PEA15: variants seen among roughly 807,000 people sequenced by gnomAD.
PEA15 encodes proliferation and apoptosis adaptor protein 15, also known as astrocytic phosphoprotein PEA-15.
For synonymous variants in PEA15, 60 were observed against 61.8 expected (o/e 0.97, Z 0.13); for missense variants, 77 against 161.3 (o/e 0.48, Z 2.83).
At position 160,213,334 on chromosome 1, in the gene PEA15, G is replaced by C; in HGVS notation, c.328+69G>C. The stretch of plus-strand genomic sequence containing the variant: ...CGTTGACTATCCTTGGAGTACTTGA[G>C]TTTTGGGAGAGTGGAGGCAGATGCC... On this transcript the variant is annotated intron_variant, in intron 3 of 3. Coordinates refer to ENST00000360472, the MANE Select transcript of PEA15 (RefSeq NM_003768.5). The surrounding 1 kb of genome is among the most constrained non-coding windows in gnomAD (Gnocchi z 5.3). 1 of 1,612,884 alleles carries C rather than the reference G, an allele frequency of 6.2e-7. No individual in the cohort carries two copies. The highest frequency in any genetic ancestry group is 8.5e-7 in the Non-Finnish European group (1 of 1,178,876).
chr1:160,206,921 G>A (rs942654346), intron 1 of PEA15, among the ~76,000 whole-genome samples: 5 of 152,134 alleles, frequency 3.3e-5, no homozygotes, highest in Non-Finnish European at 5.9e-5. Context: ...TAGGCTGCAG[G>A]CTTCCCTGGT....
chr1:160,211,464 A>C, intron 1 of PEA15, 79 bp from the exon 2 acceptor site: 1 of 1,452,196 alleles, frequency 6.9e-7, no homozygotes, highest in Non-Finnish European at 9.3e-7. Flanking sequence ...AGTGGGGAGT[A>C]GGAGGGTAGT....
rs1654975846 is a variant in PEA15, at chr1:160,213,701, CAG to C, written c.*216_*217del. 1.1e-5 allele frequency: 3 copies of C among 265,900 alleles called. No individual in the cohort carries two copies. The highest frequency in any genetic ancestry group is 4.7e-5 in the Admixed American group (1 of 21,106). The allele number at this position is 265,900 out of a possible 1,614,324, so 16.5% of individuals were successfully genotyped here. A position where few individuals can be genotyped will look rare whatever the true frequency, so the allele number is the denominator to read the frequency against. On this transcript the variant is annotated 3_prime_UTR_variant, in exon 4 of 4. Coordinates refer to ENST00000360472, the MANE Select transcript of PEA15 (RefSeq NM_003768.5). The surrounding 1 kb of genome is among the most constrained non-coding windows in gnomAD (Gnocchi z 5.3). The stretch of plus-strand genomic sequence containing the variant: ...TTCCTCTTCTTAAGGGGATGGGGGT[CAG>C]GGGCTAGGGGAGGGGGCTGAGTTTC...
Position 160,211,532 on chromosome 1 carries a change from C to A in PEA15, c.-2-11C>A, listed in dbSNP as rs1275543514. The stretch of plus-strand genomic sequence containing the variant: ...CTCAACTCCTATCCCTTTGTCGCCT[C>A]CCAACCCCAGTCATGGCTGAGTACG... On this transcript the variant is annotated splice_polypyrimidine_tract_variant and intron_variant, in intron 1 of 3. Coordinates refer to ENST00000360472, the MANE Select transcript of PEA15 (RefSeq NM_003768.5). 1.2e-6 allele frequency: 2 copies of A among 1,602,786 alleles called. No individual in the cohort carries two copies. Among genetic ancestry groups the A allele is most frequent in the Non-Finnish European group, 1.7e-6 (2 of 1,171,940 alleles).
In PEA15 at chr1:160,213,311, T is replaced by C. The variant is rs866495786; in HGVS notation, c.328+46T>C. 11 of 1,613,662 alleles carry C rather than the reference T, an allele frequency of 6.8e-6. No individual in the cohort carries two copies. The Middle Eastern group carries it at 8.2e-4, about 121-fold the overall frequency. On this transcript the variant is annotated intron_variant, in intron 3 of 3. Transcript: ENST00000360472. This position sits in a 1 kb window ranked among gnomAD's most constrained non-coding sequence, Gnocchi z 5.3. ...CTAGCTGCACCTCTGCCTCGTCCCGTTGACTATCCTTGGAGTACTTGAGTT... is the reference window on the plus strand; with the variant it reads ...CTAGCTGCACCTCTGCCTCGTCCCGCTGACTATCCTTGGAGTACTTGAGTT...
In PEA15 at chr1:160,208,584, A is replaced by G; in HGVS notation, c.-2-2959A>G. The G allele has an allele frequency of 1.3e-6, 2 of 1,549,548 alleles. No individual in the cohort carries two copies. The highest frequency in any genetic ancestry group is 2.0e-5 in the Admixed American group (1 of 51,000). ...CTCCACGAGCCCTAAGGAAATCTGA[A>G]TCTCTGGTGAGGAAAGTGACATGGA... On this transcript the variant is annotated intron_variant, in intron 1 of 3. Transcript: ENST00000360472. The surrounding 1 kb of genome is among the most constrained non-coding windows in gnomAD (Gnocchi z 4.1).
chr1:160,210,352 A>G (rs556285118), intron 1 of PEA15, among the ~76,000 whole-genome samples: 1 of 152,316 alleles, frequency 6.6e-6, no homozygotes, highest in Admixed American at 6.5e-5. Flanking sequence ...TTTTTAAAAC[A>G]TGCTTTACTT....
At position 160,213,603 on chromosome 1, in the gene PEA15, A is replaced by G; in HGVS notation, c.*117A>G. 1.5e-6 allele frequency: 1 copy of G among 654,484 alleles called. No homozygotes were observed. The highest frequency in any genetic ancestry group is 1.5e-5 in the South Asian group (1 of 66,666). The allele number at this position is 654,484 out of a possible 1,614,324, so 40.5% of individuals were successfully genotyped here. ...CTACCCACTTACTAACCTGGTCCTA[A>G]CCCCCTTACTGTGCGCGTGTGTGTG... is the stretch of plus-strand genomic sequence containing the variant. On this transcript the variant is annotated 3_prime_UTR_variant, in exon 4 of 4. Coordinates refer to ENST00000360472, the MANE Select transcript of PEA15 (RefSeq NM_003768.5). This position sits in a 1 kb window ranked among gnomAD's most constrained non-coding sequence, Gnocchi z 5.3.
rs767842649 is a variant in PEA15 at position 160,213,271 on chromosome 1, C to T, written c.328+6C>T. On this transcript the variant is annotated splice_donor_region_variant and intron_variant, in intron 3 of 3. Coordinates refer to ENST00000360472, the MANE Select transcript of PEA15 (RefSeq NM_003768.5). This position sits in a 1 kb window ranked among gnomAD's most constrained non-coding sequence, Gnocchi z 5.3. ...CAGTGCCAAGAAGTACAAAGGTAAGCGGCCACTCCTTTAACTAGCTGCACC... is the reference window on the plus strand; with the variant it reads ...CAGTGCCAAGAAGTACAAAGGTAAGTGGCCACTCCTTTAACTAGCTGCACC... The T allele has an allele frequency of 5.6e-6, 9 of 1,614,160 alleles. No individual in the cohort carries two copies. The East Asian group carries it at 6.7e-5, about 12-fold the overall frequency.
At position 160,207,678 on chromosome 1, in the gene PEA15, G is replaced by C. The variant is rs536091686; in HGVS notation, c.-3+2156G>C. Among the ~76,000 whole-genome samples the C allele has an allele frequency of 1.1e-3, 167 of 152,184 alleles. 1 individual carries two copies. The highest frequency in any genetic ancestry group is 3.9e-3 in the African/African-American group (162 of 41,516). ...TCAATTTCCTTGTTACAGGAGTAAA[G>C]ACAACCCCCTCCTCCCCCACAAAGC... is the stretch of plus-strand genomic sequence containing the variant. On this transcript the variant is annotated intron_variant, in intron 1 of 3. Transcript: ENST00000360472.
In PEA15 at chr1:160,205,584, G is replaced by A. The variant is rs1250481209; in HGVS notation, c.-3+62G>A. 1.3e-5 allele frequency: 2 copies of A among 153,764 alleles called. No individual in the cohort carries two copies. Among genetic ancestry groups the A allele is most frequent in the African/African-American group, 4.8e-5 (2 of 41,476 alleles). The allele number at this position is 153,764 out of a possible 1,614,324, so 9.5% of individuals were successfully genotyped here. On this transcript the variant is annotated intron_variant, in intron 1 of 3. Transcript: ENST00000360472. The surrounding 1 kb of genome is among the most constrained non-coding windows in gnomAD (Gnocchi z 5.9). ...GGGCAGATTTCGGGGTCTAGGCTTG[G>A]AGGGGCAACGATCTGGGACACCGGG...
rs894955911 is a variant in PEA15, at chr1:160,205,934, C to T, written c.-3+412C>T. On this transcript the variant is annotated intron_variant, in intron 1 of 3. Transcript: ENST00000360472. The surrounding 1 kb of genome is among the most constrained non-coding windows in gnomAD (Gnocchi z 5.9). ...GGCGGCTGGTACCATGTGCCCTCAC[C>T]CCCAGCTCACTGCACCTGGGGAAGA... 2.6e-5 allele frequency: 4 copies of T among 152,254 alleles called. No individual in the cohort carries two copies. Among genetic ancestry groups the T allele is most frequent in the African/African-American group, 9.6e-5 (4 of 41,462 alleles). The allele number at this position is 152,254 out of a possible 1,614,324, so 9.4% of individuals were successfully genotyped here.
rs568153903 is a variant in PEA15 at position 160,209,977 on chromosome 1, G to A, written c.-2-1566G>A. Among the ~76,000 whole-genome samples, 6 of 152,376 alleles carry A rather than the reference G, an allele frequency of 3.9e-5. No individual in the cohort carries two copies. In the South Asian group the frequency reaches 1.2e-3, roughly 32 times the overall value. On this transcript the variant is annotated intron_variant, in intron 1 of 3. Transcript: ENST00000360472. ...TCTGGTTGCACCTGGGTGTGCAACT[G>A]AGCATGCCTATGACTGCCTGTTTCT...
At chr1:160,206,334 A>C (rs1416000480) in intron 1 of PEA15, 1 of 152,220 alleles carries the variant, frequency 6.6e-6, no homozygotes, top group Non-Finnish European at 1.5e-5. Context: ...ATTTTCTGGC[A>C]GCTTTTCCCA....
At position 160,213,625 on chromosome 1, in the gene PEA15, T is replaced by C. The variant is rs1321362836; in HGVS notation, c.*139T>C. 23 of 522,108 alleles carry C rather than the reference T, an allele frequency of 4.4e-5. No homozygotes were observed. Among genetic ancestry groups the C allele is most frequent in the Middle Eastern group, 3.9e-4 (1 of 2,572 alleles). 32.3% of individuals were successfully genotyped at this position (522,108 alleles called of 1,614,324 possible). On this transcript the variant is annotated 3_prime_UTR_variant, in exon 4 of 4. Coordinates refer to ENST00000360472, the MANE Select transcript of PEA15 (RefSeq NM_003768.5). The surrounding 1 kb of genome is among the most constrained non-coding windows in gnomAD (Gnocchi z 5.3). ...CTAACCCCCTTACTGTGCGCGTGTG[T>C]GTGCGTGTGCGCACGCTCTGGCTGT... is the stretch of plus-strand genomic sequence containing the variant.
At position 160,208,420 on chromosome 1, in the gene PEA15, C is replaced by T. The variant is rs1030275784; in HGVS notation, c.-3+2898C>T. Reference sequence around the variant, plus strand: ...GGAAGAGGACTGACTTCCTGGCAGCCGGGGCTCCGGTTCCTGATTCCTGCC... The same window carrying T: ...GGAAGAGGACTGACTTCCTGGCAGCTGGGGCTCCGGTTCCTGATTCCTGCC... On this transcript the variant is annotated intron_variant, in intron 1 of 3. Transcript: ENST00000360472. This position sits in a 1 kb window ranked among gnomAD's most constrained non-coding sequence, Gnocchi z 4.1. 5.1e-6 allele frequency: 3 copies of T among 592,086 alleles called. No individual in the cohort carries two copies. The allele number at this position is 592,086 out of a possible 1,614,324, so 36.7% of individuals were successfully genotyped here. A position where few individuals can be genotyped will look rare whatever the true frequency, so the allele number is the denominator to read the frequency against.
At chr1:160,210,793 G>A (rs2101697005) in intron 1 of PEA15, among the ~76,000 whole-genome samples, 1 of 152,350 alleles carries the variant, frequency 6.6e-6, no homozygotes, top group Middle Eastern at 3.4e-3. Context: ...TGCAGGCACA[G>A]CACAAAGGGT....
In PEA15 at chr1:160,213,024, C is replaced by A; in HGVS notation, c.173-86C>A. On this transcript the variant is annotated intron_variant, in intron 2 of 3. Coordinates refer to ENST00000360472, the MANE Select transcript of PEA15 (RefSeq NM_003768.5). This position sits in a 1 kb window ranked among gnomAD's most constrained non-coding sequence, Gnocchi z 5.3. ...CCCATAACCAATGTCAGCAACTCAG[C>A]TTTGGTTCCAGGTCACTAGTCTGGT... The A allele has an allele frequency of 7.2e-7, 1 of 1,397,444 alleles. No homozygotes were observed. The highest frequency in any genetic ancestry group is 1.2e-5 in the South Asian group (1 of 83,480). The allele number at this position is 1,397,444 out of a possible 1,614,324, so 86.6% of individuals were successfully genotyped here.
chr1:160,211,568 G>A lies in PEA15; in HGVS notation c.24G>A (p.Leu8=), dbSNP rs759504001. The change falls in exon 2 of 4, where the codon CTG becomes CTA. Residue 8 remains leucine, a synonymous_variant. Transcript: ENST00000360472. The part of the protein sequence containing the change: MAEYGTL[L]QDLTNNITLE... ...TCATGGCTGAGTACGGGACCCTCCT[G>A]CAAGACCTGACCAACAACATCACCC... 1 of 1,613,456 alleles carries A rather than the reference G, an allele frequency of 6.2e-7. No homozygotes were observed. The highest frequency in any genetic ancestry group is 1.7e-4 in the Middle Eastern group (1 of 6,056).
Sources: allele counts gnomAD v4.1 joint callset (sites outside exome capture counted in the v4.1 genomes callset), GRCh38; gene constraint gnomAD v4.1.1; non-coding constraint Gnocchi (gnomAD v3.1); transcripts MANE v1.5; gene names NCBI Gene and HGNC (gene_info 2026-07-23, HGNC 2026-07-21).